LY75: variants seen among roughly 807,000 people sequenced by gnomAD.
LY75 encodes the protein C-type lectin domain family 13 member B.
LY75 carries 185 observed loss-of-function variants against 231.7 expected under a neutral mutation model. The observed-to-expected ratio is 0.80, with a 90% CI of 0.71 to 0.90. LY75 has a LOEUF of 0.90. LY75 is among the 40% of genes least tolerant of loss of function. The pLI, the probability that LY75 is intolerant of heterozygous loss-of-function variation, is 0.00. For missense variants in LY75, 1,947 were observed against 2,050.2 expected (o/e 0.95, Z 0.97); for synonymous variants, 668 against 689.0 (o/e 0.97, Z 0.48).
At chr2:159,853,747 G>C in intron 18 of LY75, 50 bp from the exon 19 acceptor site, 2 of 1,610,166 alleles carry the variant, frequency 1.2e-6, no homozygotes, top group Non-Finnish European at 1.7e-6. Flanking sequence ...GCTTTCTTGA[G>C]GGTTTTGATT....
intron 12 of LY75, among the ~76,000 whole-genome samples, chr2:159,874,742 T>A (rs1462692827): frequency 4.0e-5 from 3 of 75,910 alleles, no homozygotes; most frequent in African/African-American, 1.3e-4. Context: ...TATATGTAAA[T>A]ATATATATTT....
intron 11 of LY75, among the ~76,000 whole-genome samples, chr2:159,877,818 G>A (rs369363038): frequency 2.0e-5 from 3 of 151,662 alleles, no homozygotes; most frequent in Admixed American, 2.0e-4. Context: ...GCAGTGAGCC[G>A]AGATCACACC....
intron 14 of LY75, among the ~76,000 whole-genome samples, chr2:159,862,724 A>G (rs1684751592): frequency 6.6e-6 from 1 of 152,212 alleles, no homozygotes; most frequent in African/African-American, 2.4e-5. Flanking sequence ...CATATACAAC[A>G]TGATGTTTTG....
chr2:159,869,610 C>T (rs955556066), intron 13 of LY75, among the ~76,000 whole-genome samples: 1 of 152,186 alleles, frequency 6.6e-6, no homozygotes, highest in African/African-American at 2.4e-5. Context: ...TTCGAAACAA[C>T]CCCACATCCA....
intron 17 of LY75, 58 bp downstream of exon 17, chr2:159,854,846 A>T: frequency 1.9e-6 from 3 of 1,599,106 alleles, no homozygotes; most frequent in African/African-American, 1.3e-5. Flanking sequence ...TAATTAACTA[A>T]ATGCATTAGT....
chr2:159,825,133 CA>C (rs1473417189), intron 28 of LY75, among the ~76,000 whole-genome samples: 3 of 151,750 alleles, frequency 2.0e-5, no homozygotes, highest in African/African-American at 4.8e-5. Context: ...GCGATAGAGA[CA>C]AAAAAACAAC....
chr2:159,860,818 G>T lies in LY75; in HGVS notation c.2268+3C>A. ...TATGCAGATTTTCCAGCATTGTACT[G>T]ACCTTGACAGCAGCACAGTCTCTGA... is the stretch of plus-strand genomic sequence containing the variant. On this transcript the variant is annotated splice_donor_region_variant and intron_variant, in intron 15 of 34. Coordinates refer to ENST00000263636, the MANE Select transcript of LY75 (RefSeq NM_002349.4). The T allele has an allele frequency of 6.2e-7, 1 of 1,613,814 alleles. No homozygotes were observed. Among genetic ancestry groups the T allele is most frequent in the South Asian group, 1.1e-5 (1 of 91,056 alleles).
chr2:159,808,276 T>G, intron 33 of LY75, 173 bp downstream of exon 33: 1 of 799,492 alleles, frequency 1.3e-6, no homozygotes, highest in Middle Eastern at 6.4e-4. Flanking sequence ...CTAAGTTAAC[T>G]CATGGATTCA....
intron 25 of LY75, among the ~76,000 whole-genome samples, chr2:159,838,784 AT>A (rs556895112): frequency 3.7e-4 from 57 of 152,180 alleles, no homozygotes; most frequent in African/African-American, 5.5e-4. Flanking sequence ...GGTTAATTTA[AT>A]TTAATTAATT....
rs1293615771 is a variant in LY75 at position 159,816,871 on chromosome 2, G to A, written c.4315C>T (p.Leu1439Phe). 4.3e-6 allele frequency: 7 copies of A among 1,614,046 alleles called. No individual in the cohort carries two copies. The highest frequency in any genetic ancestry group is 5.9e-6 in the Non-Finnish European group (7 of 1,180,048). Reference sequence around the variant, plus strand: ...CGTTTTACAATATCTTCCAGAAAGAGCTGGCCATTTTGGTTGTGAACGCTT... The same window carrying A: ...CGTTTTACAATATCTTCCAGAAAGAACTGGCCATTTTGGTTGTGAACGCTT... The part of the protein sequence containing the change: ...LASVHNQNGQ[L>F]FLEDIVKRDG... Residue 1439 changes from leucine (L) to phenylalanine (F), a missense_variant, in exon 30 of 35, where the codon CTC (leucine) becomes TTC (phenylalanine). Coordinates refer to ENST00000263636, the MANE Select transcript of LY75 (RefSeq NM_002349.4).
intron 20 of LY75, 95 bp downstream of exon 20, chr2:159,853,178 C>T: frequency 5.4e-6 from 7 of 1,292,812 alleles, no homozygotes; most frequent in Non-Finnish European, 7.5e-6. Context: ...AATTACCAAA[C>T]ATATAATTAA....
intron 15 of LY75, 127 bp downstream of exon 15, chr2:159,860,694 G>A (rs78878569): frequency 3.2e-4 from 354 of 1,097,912 alleles, no homozygotes; most frequent in Non-Finnish European, 4.6e-4. Flanking sequence ...GGCCATGGGT[G>A]TGCTTATCTC....
intron 8 of LY75, 94 bp from the exon 9 acceptor site, chr2:159,879,463 A>G: frequency 1.3e-6 from 2 of 1,524,780 alleles, no homozygotes; most frequent in South Asian, 1.2e-5. Context: ...AGACAGAGAG[A>G]GAGAAATGAA....
At chr2:159,896,920 A>T (rs1369437702) in intron 2 of LY75, among the ~76,000 whole-genome samples, 2 of 152,060 alleles carry the variant, frequency 1.3e-5, no homozygotes, top group Admixed American at 1.3e-4. Flanking sequence ...AAAAAGCTTT[A>T]GTGTTTCAAA....
intron 28 of LY75, among the ~76,000 whole-genome samples, chr2:159,826,204 G>A (rs2433689): frequency 0.41 from 62,120 of 151,940 alleles, 14,385 homozygotes; most frequent in Non-Finnish European, 0.52. Context: ...TATTTAGAAA[G>A]CCCCATCACC....
At chr2:159,853,731 T>C (rs779108014) in intron 18 of LY75, 34 bp from the exon 19 acceptor site, 2 of 1,612,348 alleles carry the variant, frequency 1.2e-6, no homozygotes, top group South Asian at 2.2e-5. Context: ...TCCTTATATG[T>C]GCTGAGCTTT....
intron 14 of LY75, among the ~76,000 whole-genome samples, chr2:159,864,332 CT>C (rs1684796436): frequency 6.6e-6 from 1 of 152,174 alleles, no homozygotes; most frequent in African/African-American, 2.4e-5. Flanking sequence ...TGTCATGGAG[CT>C]TTCCCCCTGT....
chr2:159,827,685 T>A (rs1037865019), intron 28 of LY75, among the ~76,000 whole-genome samples: 1 of 152,106 alleles, frequency 6.6e-6, no homozygotes, highest in Non-Finnish European at 1.5e-5. Flanking sequence ...ACTATTCCAA[T>A]AGCAAAGACT....
rs1481283771 is a variant in LY75, at chr2:159,885,437, G to A, written c.914-144C>T. On this transcript the variant is annotated intron_variant, in intron 5 of 34. Transcript: ENST00000263636. ...AACTTAACTAAATTGAAACGTATAA[G>A]CCTCAATGAATAATTATGTGCTTAA... 3.1e-5 allele frequency: 31 copies of A among 987,664 alleles called. No individual in the cohort carries two copies. The East Asian group carries it at 8.4e-4, about 27-fold the overall frequency. 61.2% of individuals were successfully genotyped at this position (987,664 alleles called of 1,614,324 possible).
Sources: gnomAD v4.1 joint callset for allele counts (sites outside exome capture counted in the v4.1 genomes callset) on GRCh38, gnomAD v4.1.1 for gene constraint, MANE v1.5 for transcripts, NCBI Gene and HGNC (gene_info 2026-07-23, HGNC 2026-07-21) for gene names.